The following CCDC149 variants were observed in gnomAD, a reference collection of about 807,000 sequenced individuals.
The protein encoded by CCDC149 is coiled-coil domain-containing protein 149.
A neutral mutation model predicts 59.9 loss-of-function variants in CCDC149; 45 were observed. The observed-to-expected ratio is 0.75, with a 90% CI of 0.59 to 0.96. CCDC149 has a LOEUF of 0.96. CCDC149 is among the 40% of genes least tolerant of loss of function. CCDC149 has a pLI of 0.00. For missense variants in CCDC149, 584 were observed against 664.7 expected (o/e 0.88, Z 1.33); for synonymous variants, 245 against 260.6 (o/e 0.94, Z 0.58).
intron 1 of CCDC149, among the ~76,000 whole-genome samples, chr4:24,912,467 T>C (rs1373580200): frequency 6.6e-6 from 1 of 152,014 alleles, no homozygotes; most frequent in Non-Finnish European, 1.5e-5. Flanking sequence ...AGGCGTCCAA[T>C]TGTTTGGCTC....
intron 8 of CCDC149, among the ~76,000 whole-genome samples, chr4:24,833,033 A>G (rs145726826): frequency 2.3e-3 from 343 of 152,228 alleles, no homozygotes; most frequent in African/African-American, 7.9e-3. Context: ...AGGGTCACTC[A>G]GGTGCTCCTG....
intron 1 of CCDC149, among the ~76,000 whole-genome samples, chr4:24,957,943 A>G (rs1681198274): frequency 6.6e-6 from 1 of 152,234 alleles, no homozygotes. Flanking sequence ...GTATCTTCAT[A>G]TAGTACACCC....
At chr4:24,851,854 C>T (rs1023085592) in intron 4 of CCDC149, among the ~76,000 whole-genome samples, 21 of 152,236 alleles carry the variant, frequency 1.4e-4, no homozygotes, top group Admixed American at 5.9e-4. Context: ...AATAAAACCA[C>T]GAGCGGCTGG....
chr4:24,831,711 C>G, intron 8 of CCDC149, 61 bp from the exon 9 acceptor site: 1 of 1,480,978 alleles, frequency 6.8e-7, no homozygotes, highest in Non-Finnish European at 9.3e-7. Context: ...GGAATGCAAA[C>G]CAATGTCAAT....
intron 1 of CCDC149, among the ~76,000 whole-genome samples, chr4:24,956,400 C>T (rs917366490): frequency 6.6e-6 from 1 of 152,056 alleles, no homozygotes; most frequent in Non-Finnish European, 1.5e-5. Flanking sequence ...CTTCTCCAGC[C>T]TAAACTTCTG....
chr4:24,951,175 C>T (rs1458264857), intron 1 of CCDC149, among the ~76,000 whole-genome samples: 2 of 152,346 alleles, frequency 1.3e-5, no homozygotes, highest in East Asian at 1.9e-4. Flanking sequence ...GTGACAGATC[C>T]CATGCATGCC....
intron 2 of CCDC149, among the ~76,000 whole-genome samples, chr4:24,874,989 G>A (rs928163509): frequency 3.3e-5 from 5 of 152,150 alleles, no homozygotes; most frequent in East Asian, 1.9e-4. Flanking sequence ...TGTCCACACC[G>A]TGTATTACCA....
chr4:24,876,278 T>C (rs1159400369), intron 2 of CCDC149, among the ~76,000 whole-genome samples: 1 of 143,228 alleles, frequency 7.0e-6, no homozygotes, highest in Non-Finnish European at 1.5e-5. Context: ...GCAAGAAGCA[T>C]ATACATACAC....
At position 24,837,407 on chromosome 4, in the gene CCDC149, C is replaced by T. The variant is rs1716614898; in HGVS notation, c.490-7G>A. 1 of 1,613,884 alleles carries T rather than the reference C, an allele frequency of 6.2e-7. No individual in the cohort carries two copies. The highest frequency in any genetic ancestry group is 8.5e-7 in the Non-Finnish European group (1 of 1,179,848). On this transcript the variant is annotated splice_region_variant and splice_polypyrimidine_tract_variant and intron_variant, in intron 5 of 12. Coordinates refer to ENST00000635206, the MANE Select transcript of CCDC149 (RefSeq NM_001330643.2). The surrounding 1 kb of genome is among the most constrained non-coding windows in gnomAD (Gnocchi z 4.3). The stretch of plus-strand genomic sequence containing the variant: ...CGTGCTCCAGAGACTCAATCTAAAA[C>T]CACAGGGAGAGCCCTTACTCAAGAT...
intron 1 of CCDC149, among the ~76,000 whole-genome samples, chr4:24,932,475 A>G (rs2109342933): frequency 6.6e-6 from 1 of 152,310 alleles, no homozygotes; most frequent in East Asian, 1.9e-4. Flanking sequence ...CTCAGGAAAG[A>G]GTCAAGCCAC....
At chr4:24,855,237 A>C (rs574482332) in intron 3 of CCDC149, among the ~76,000 whole-genome samples, 2 of 152,216 alleles carry the variant, frequency 1.3e-5, no homozygotes, top group South Asian at 4.2e-4. Flanking sequence ...CCAAGACTGA[A>C]ACCAATGCCT....
At chr4:24,897,267 G>C (rs1290872412) in intron 1 of CCDC149, among the ~76,000 whole-genome samples, 1 of 152,194 alleles carries the variant, frequency 6.6e-6, no homozygotes, top group Non-Finnish European at 1.5e-5. Flanking sequence ...GTGGCAGCAT[G>C]CGCTTCAGAC....
chr4:24,871,614 TTC>T (rs368515161), intron 3 of CCDC149, among the ~76,000 whole-genome samples: 2 of 150,660 alleles, frequency 1.3e-5, no homozygotes, highest in Admixed American at 6.6e-5. Flanking sequence ...TGCTCTCTCA[TTC>T]TCTCTCTCTC....
At chr4:24,979,167 C>T (rs192065395) in intron 1 of CCDC149, among the ~76,000 whole-genome samples, 6 of 152,322 alleles carry the variant, frequency 3.9e-5, no homozygotes, top group Non-Finnish European at 8.8e-5. Context: ...AGCATATCTC[C>T]TTACTGTCCC....
chr4:24,853,003 T>G, intron 4 of CCDC149, 69 bp downstream of exon 4: 1 of 912,972 alleles, frequency 1.1e-6, no homozygotes, highest in Non-Finnish European at 1.8e-6. Flanking sequence ...ATTTTTCCGA[T>G]GTGCAATATA....
At chr4:24,839,182 C>CT (rs763819835) in intron 4 of CCDC149, among the ~76,000 whole-genome samples, 277 of 144,238 alleles carry the variant, frequency 1.9e-3, no homozygotes, top group African/African-American at 3.1e-3. Flanking sequence ...TACTTTCTAA[C>CT]TTTTTTTTTT....
At chr4:24,880,381 C>T (rs762689035) in intron 1 of CCDC149, among the ~76,000 whole-genome samples, 2 of 152,162 alleles carry the variant, frequency 1.3e-5, no homozygotes, top group East Asian at 1.9e-4. Flanking sequence ...AATCGCCTAG[C>T]GGCACACTTC....
intron 1 of CCDC149, among the ~76,000 whole-genome samples, chr4:24,952,624 AAAATATATATATATATATATATATATAT>A (rs1723345100): frequency 2.5e-4 from 4 of 16,314 alleles, no homozygotes; most frequent in Non-Finnish European, 4.4e-4. Flanking sequence ...AAAAAAAAAA[AAAATATATATATATATATATATATATAT>A]ATATATATAT....
At chr4:24,820,800 C>T (rs1183915941) in intron 11 of CCDC149, among the ~76,000 whole-genome samples, 1 of 152,146 alleles carries the variant, frequency 6.6e-6, no homozygotes, top group African/African-American at 2.4e-5. Flanking sequence ...TGTCCTCCCA[C>T]TTTGTATCTA....
Sources: gnomAD v4.1 joint callset for allele counts (sites outside exome capture counted in the v4.1 genomes callset) on GRCh38, gnomAD v4.1.1 for gene constraint, Gnocchi (gnomAD v3.1) non-coding constraint, MANE v1.5 for transcripts, NCBI Gene and HGNC (gene_info 2026-07-23, HGNC 2026-07-21) for gene names.